Variants in UBP1 observed in about 807,000 individuals in gnomAD.
UBP1 encodes the protein upstream binding protein 1, also known as upstream-binding protein 1.
UBP1 carries 22 observed loss-of-function variants against 76.1 expected under a neutral mutation model. That is an observed-to-expected ratio of 0.29 (90% CI 0.21 to 0.41). The LOEUF (loss-of-function observed/expected upper bound fraction) is 0.41. Ranked by LOEUF, UBP1 falls within the 10% of genes least tolerant of loss-of-function variation. The pLI, the probability that UBP1 is intolerant of heterozygous loss-of-function variation, is 1.00. For synonymous variants in UBP1, 224 were observed against 237.1 expected, an observed-to-expected ratio of 0.94 and a Z score of 0.51; for missense variants, 436 against 668.1, an observed-to-expected ratio of 0.65 and a Z score of 3.83.
At chr3:33,437,581 T>C (rs548675535) in intron 1 of UBP1, among the ~76,000 whole-genome samples, 61 of 152,296 alleles carry the variant, frequency 4.0e-4, no homozygotes, top group Non-Finnish European at 7.8e-4. Flanking sequence ...GAAAGAAAAA[T>C]AGAAAGCTGC....
intron 8 of UBP1, among the ~76,000 whole-genome samples, chr3:33,404,016 C>T (rs184256810): frequency 5.1e-4 from 77 of 152,178 alleles, no homozygotes; most frequent in African/African-American, 1.7e-3. Flanking sequence ...GAGGCCAAGG[C>T]GGTAGCCCAG....
chr3:33,400,315 G>T, intron 10 of UBP1, 33 bp from the exon 11 acceptor site: 1 of 1,508,332 alleles, frequency 6.6e-7, no homozygotes, highest in South Asian at 1.2e-5. Flanking sequence ...TAAATAAAAG[G>T]AACCATTCAG....
chr3:33,393,184 C>A, intron 14 of UBP1, 128 bp downstream of exon 14: 1 of 1,032,754 alleles, frequency 9.7e-7, no homozygotes, highest in Non-Finnish European at 1.3e-6. Context: ...CAAAGTGATT[C>A]CCAACTCTCT....
rs34615713 is a variant in UBP1 at position 33,419,628 on chromosome 3, CA to C, written c.266-2795del. On this transcript the variant is annotated intron_variant, in intron 2 of 15. Coordinates refer to ENST00000283629, the MANE Select transcript of UBP1 (RefSeq NM_014517.5). ...GGGCAACAAGAGGGAGACTCCATCTCAAAAAAAAAAAAAAAACCAGAAGAAA... is the reference window on the plus strand; with the variant it reads ...GGGCAACAAGAGGGAGACTCCATCTCAAAAAAAAAAAAAAACCAGAAGAAA... 7.1e-3 allele frequency among the ~76,000 whole-genome samples: 719 copies of C among 100,778 alleles called. 4 individuals carry two copies. Among genetic ancestry groups the C allele is most frequent in the African/African-American group, 0.017 (504 of 29,214 alleles). 66.1% of individuals were successfully genotyped at this position (100,778 alleles called of 152,430 possible). A position where few individuals can be genotyped will look rare whatever the true frequency, so the allele number is the denominator to read the frequency against.
At chr3:33,424,414 C>T (rs1186557483) in intron 2 of UBP1, among the ~76,000 whole-genome samples, 1 of 152,216 alleles carries the variant, frequency 6.6e-6, no homozygotes, top group South Asian at 2.1e-4. Context: ...TCCAAAACTT[C>T]GAGTAAAAAT....
chr3:33,406,746 TG>T (rs1170544740), intron 8 of UBP1, among the ~76,000 whole-genome samples: 1 of 152,228 alleles, frequency 6.6e-6, no homozygotes, highest in African/African-American at 2.4e-5. Context: ...CTCATAGTTA[TG>T]GTTTCGGTAC....
At chr3:33,424,225 C>T (rs569857439) in intron 2 of UBP1, among the ~76,000 whole-genome samples, 2 of 152,132 alleles carry the variant, frequency 1.3e-5, no homozygotes, top group African/African-American at 2.4e-5. Flanking sequence ...TAAGTGATTG[C>T]CTATCCAAAC....
intron 8 of UBP1, among the ~76,000 whole-genome samples, chr3:33,404,470 T>C (rs2044360789): frequency 7.0e-6 from 1 of 143,524 alleles, no homozygotes; most frequent in Admixed American, 7.6e-5. Flanking sequence ...AAAGCCAAGC[T>C]AAAGATAATA....
intron 15 of UBP1, chr3:33,391,307 A>G (rs1309722837): frequency 6.6e-6 from 1 of 152,248 alleles, no homozygotes; most frequent in Non-Finnish European, 1.5e-5. Flanking sequence ...CCTGACTTTT[A>G]AAACAGTCTA....
intron 2 of UBP1, 74 bp from the exon 3 acceptor site, chr3:33,416,908 A>G: frequency 7.8e-7 from 1 of 1,279,770 alleles, no homozygotes; most frequent in Non-Finnish European, 1.1e-6. Context: ...TTCAAAATGC[A>G]TGTTTCTCAG....
rs551202220 is a variant in UBP1 at position 33,414,969 on chromosome 3, C to T, written c.342+1789G>A. ...TTTTGCTACTAACAGTAGTTCATTA[C>T]GTCATAATGAGGTGTCATTTTTCCC... On this transcript the variant is annotated intron_variant, in intron 3 of 15. Coordinates refer to ENST00000283629, the MANE Select transcript of UBP1 (RefSeq NM_014517.5). 3.7e-3 allele frequency among the ~76,000 whole-genome samples: 511 copies of T among 139,054 alleles called. 2 individuals are homozygous for T. The highest frequency in any genetic ancestry group is 5.8e-3 in the Non-Finnish European group (385 of 65,952). 91.2% of individuals were successfully genotyped at this position (139,054 alleles called of 152,430 possible).
chr3:33,394,990 G>T (rs560123569), intron 13 of UBP1, among the ~76,000 whole-genome samples: 9 of 152,156 alleles, frequency 5.9e-5, no homozygotes, highest in Admixed American at 5.9e-4. Context: ...GAAAAAGTTT[G>T]CTGATTATGG....
chr3:33,398,892 T>G (rs1192759330), intron 11 of UBP1, among the ~76,000 whole-genome samples: 1 of 152,188 alleles, frequency 6.6e-6, no homozygotes, highest in East Asian at 1.9e-4. Context: ...CAATTTCTAG[T>G]TTTTCACACA....
At chr3:33,409,096 TCC>T in intron 7 of UBP1, 138 bp downstream of exon 7, 1 of 833,158 alleles carries the variant, frequency 1.2e-6, no homozygotes, top group Non-Finnish European at 1.9e-6. Flanking sequence ...TTAAATATTT[TCC>T]CCAGAAATTT....
intron 2 of UBP1, among the ~76,000 whole-genome samples, chr3:33,418,322 C>A (rs948584768): frequency 6.6e-6 from 1 of 152,008 alleles, no homozygotes; most frequent in Admixed American, 6.6e-5. Flanking sequence ...GGCGCAATCT[C>A]GGCTCACTGC....
chr3:33,429,053 GACTT>G (rs1271406436), intron 1 of UBP1, among the ~76,000 whole-genome samples: 1 of 152,120 alleles, frequency 6.6e-6, no homozygotes, highest in Non-Finnish European at 1.5e-5. Flanking sequence ...AAATATACAT[GACTT>G]ACTAACTTTG....
chr3:33,414,968 ACGT>A (rs1367330971), intron 3 of UBP1, among the ~76,000 whole-genome samples: 17 of 139,344 alleles, frequency 1.2e-4, no homozygotes, highest in Non-Finnish European at 2.0e-4. Flanking sequence ...GTAGTTCATT[ACGT>A]CATAATGAGG....
chr3:33,422,416 G>A (rs1026160748), intron 2 of UBP1, among the ~76,000 whole-genome samples: 1 of 151,840 alleles, frequency 6.6e-6, no homozygotes, highest in Non-Finnish European at 1.5e-5. Context: ...AAGGGAGGAG[G>A]GAGGAAAGAA....
Position 33,396,299 on chromosome 3 carries a change from A to C in UBP1, c.1272-19T>G, listed in dbSNP as rs766937300. The C allele has an allele frequency of 5.1e-6, 8 of 1,553,946 alleles. No individual in the cohort carries two copies. The South Asian group carries it at 9.3e-5, about 18-fold the overall frequency. ...AACCGACCTGCAATCAGAAGATGCC[A>C]CTGATGAGCCTGGGAGAGAAAGCTG... On this transcript the variant is annotated intron_variant, in intron 12 of 15. Transcript: ENST00000283629.
Sources: gnomAD v4.1 joint callset for allele counts (sites outside exome capture counted in the v4.1 genomes callset) on GRCh38, gnomAD v4.1.1 for gene constraint, MANE v1.5 for transcripts, NCBI Gene and HGNC (gene_info 2026-07-23, HGNC 2026-07-21) for gene names.